The following COL11A1 variants were observed in gnomAD, a reference collection of about 807,000 sequenced individuals.
COL11A1 encodes collagen alpha-1(XI) chain.
In COL11A1, 74 loss-of-function variants were observed where a neutral mutation model predicts 265.2. The ratio of observed to expected loss-of-function variants is 0.28; its 90% CI spans 0.23 to 0.34. COL11A1 has a LOEUF of 0.34. Among genes scored for constraint, COL11A1 ranks in the 10% least tolerant of loss-of-function variants. COL11A1 has a pLI of 1.00. For synonymous variants in COL11A1, 816 were observed against 727.6 expected (o/e 1.12, Z -1.96); for missense variants, 2,165 against 2,263.6 (o/e 0.96, Z 0.88).
Position 102,984,118 on chromosome 1 carries a change from T to C in COL11A1, c.2556+20A>G. 1 of 1,555,742 alleles carries C rather than the reference T, an allele frequency of 6.4e-7. No individual in the cohort carries two copies. Among genetic ancestry groups the C allele is most frequent in the Middle Eastern group, 1.7e-4 (1 of 5,922 alleles). On this transcript the variant is annotated intron_variant, in intron 31 of 66. Coordinates refer to ENST00000370096, the MANE Select transcript of COL11A1 (RefSeq NM_001854.4). ...ATCTTCACGAAATGTTAATAAACTA[T>C]AAATATCAAGCTGTTTTACCTTTGG...
intron 49 of COL11A1, among the ~76,000 whole-genome samples, chr1:102,919,128 T>G (rs1655679993): frequency 6.7e-6 from 1 of 150,200 alleles, no homozygotes; most frequent in South Asian, 2.1e-4. Flanking sequence ...CTAGGACAAC[T>G]GAATGGAATG....
At chr1:102,941,633 T>A (rs12085950) in intron 42 of COL11A1, among the ~76,000 whole-genome samples, 4,303 of 152,278 alleles carry the variant, frequency 0.028, 211 homozygotes, top group African/African-American at 0.098. Flanking sequence ...TGGCCTGGAA[T>A]GCCCCTATGA....
intron 2 of COL11A1, 53 bp downstream of exon 2, chr1:103,082,752 A>T (rs553689832): frequency 6.8e-7 from 1 of 1,468,756 alleles, no homozygotes; most frequent in East Asian, 2.5e-5. Context: ...GTAGTAACAA[A>T]AGTGTAATAA....
At chr1:102,939,925 T>A (rs1455168747) in intron 43 of COL11A1, among the ~76,000 whole-genome samples, 1 of 152,176 alleles carries the variant, frequency 6.6e-6, no homozygotes, top group Admixed American at 6.5e-5. Context: ...TGGTAAATGA[T>A]AACAGGATTA....
chr1:102,989,804 C>T (rs1663947744), intron 28 of COL11A1, among the ~76,000 whole-genome samples: 1 of 152,078 alleles, frequency 6.6e-6, no homozygotes, highest in African/African-American at 2.4e-5. Context: ...GGACATTTTT[C>T]ACAAATATGT....
intron 59 of COL11A1, 115 bp from the exon 60 acceptor site, chr1:102,889,034 A>G: frequency 5.3e-6 from 5 of 940,992 alleles, no homozygotes; most frequent in Non-Finnish European, 8.6e-6. Context: ...GAGAATGCAA[A>G]AATATTTATG....
intron 41 of COL11A1, among the ~76,000 whole-genome samples, chr1:102,955,163 G>C (rs145501449): frequency 3.9e-5 from 6 of 152,020 alleles, no homozygotes; most frequent in African/African-American, 1.4e-4. Flanking sequence ...TTGGCATGTC[G>C]GTACATGACA....
chr1:103,005,216 A>T (rs1477341517), intron 18 of COL11A1, among the ~76,000 whole-genome samples: 1 of 152,054 alleles, frequency 6.6e-6, no homozygotes, highest in African/African-American at 2.4e-5. Context: ...ATTTACTTAA[A>T]GCTTATCTTA....
intron 46 of COL11A1, among the ~76,000 whole-genome samples, chr1:102,929,499 G>T (rs1657105340): frequency 6.6e-6 from 1 of 152,218 alleles, no homozygotes; most frequent in Non-Finnish European, 1.5e-5. Flanking sequence ...CTGTAGCCTT[G>T]TAGTATAGTT....
In COL11A1 at chr1:102,989,588, G is replaced by A. The variant is rs563271014; in HGVS notation, c.2341-17C>T. On this transcript the variant is annotated splice_polypyrimidine_tract_variant and intron_variant, in intron 28 of 66. Coordinates refer to ENST00000370096, the MANE Select transcript of COL11A1 (RefSeq NM_001854.4). ...ATCTTCACCCTAAAACATTATAAAA[G>A]GAATTAAATAGGAGTTTAATCAGTC... 2.5e-6 allele frequency: 4 copies of A among 1,589,646 alleles called. No homozygotes were observed. The highest frequency in any genetic ancestry group is 3.5e-6 in the Non-Finnish European group (4 of 1,159,112).
At chr1:102,951,346 AT>A (rs1659853469) in intron 41 of COL11A1, among the ~76,000 whole-genome samples, 1 of 152,228 alleles carries the variant, frequency 6.6e-6, no homozygotes, top group Non-Finnish European at 1.5e-5. Flanking sequence ...TATGCATTAA[AT>A]AACTATAATG....
intron 65 of COL11A1, 77 bp from the exon 66 acceptor site, chr1:102,879,993 C>T: frequency 1.0e-6 from 1 of 967,564 alleles, no homozygotes; most frequent in Non-Finnish European, 1.6e-6. Flanking sequence ...TCACTGCAGA[C>T]AGTGAACTGT....
chr1:103,051,185 G>A (rs1376785514), intron 4 of COL11A1, among the ~76,000 whole-genome samples: 1 of 152,186 alleles, frequency 6.6e-6, no homozygotes, highest in Non-Finnish European at 1.5e-5. Context: ...GTTTGTCTGT[G>A]CCCTGCCCCC....
rs151202644 is a variant in COL11A1, at chr1:103,104,763, T to C, written c.106+3310A>G. ...ATCAATTTTGAATTTAAAAAACAAA[T>C]GGAAAGACATAATATTAATGAGTTT... On this transcript the variant is annotated intron_variant, in intron 1 of 66. Transcript: ENST00000370096. Among the ~76,000 whole-genome samples the C allele has an allele frequency of 6.5e-4, 99 of 152,290 alleles. 1 individual carries two copies. The highest frequency in any genetic ancestry group is 1.2e-3 in the South Asian group (6 of 4,824).
At chr1:102,886,458 A>G (rs989531416) in intron 63 of COL11A1, among the ~76,000 whole-genome samples, 4 of 152,202 alleles carry the variant, frequency 2.6e-5, no homozygotes, top group African/African-American at 4.8e-5. Flanking sequence ...TAATGTAAGT[A>G]TTCACATTAA....
intron 23 of COL11A1, 22 bp from the exon 24 acceptor site, chr1:103,001,991 C>T (rs1378643674): frequency 1.3e-6 from 2 of 1,593,880 alleles, no homozygotes. Flanking sequence ...GAATTTATTT[C>T]ATATATCAGA....
intron 42 of COL11A1, 114 bp from the exon 43 acceptor site, chr1:102,940,548 AT>A: frequency 1.3e-6 from 1 of 769,138 alleles, no homozygotes; most frequent in Admixed American, 2.6e-5. Flanking sequence ...TTAGAAAAAC[AT>A]TTTAAAGAAT....
In COL11A1 at chr1:103,065,128, A is replaced by G. The variant is rs1408985880; in HGVS notation, c.651+9490T>C. 2.0e-5 allele frequency among the ~76,000 whole-genome samples: 3 copies of G among 152,122 alleles called. No homozygotes were observed. In the East Asian group the frequency reaches 5.8e-4, roughly 29 times the overall value. Reference sequence around the variant, plus strand: ...TGGGATATTGATAATAGGGAAGGTTATATGTTGGGGTGGGGCAAATAGTAT... The same window carrying G: ...TGGGATATTGATAATAGGGAAGGTTGTATGTTGGGGTGGGGCAAATAGTAT... On this transcript the variant is annotated intron_variant, in intron 4 of 66. Coordinates refer to ENST00000370096, the MANE Select transcript of COL11A1 (RefSeq NM_001854.4).
chr1:103,051,517 C>G (rs1009002356), intron 4 of COL11A1, among the ~76,000 whole-genome samples: 6 of 152,192 alleles, frequency 3.9e-5, no homozygotes, highest in Non-Finnish European at 7.4e-5. Flanking sequence ...CTTTCTTTGA[C>G]TAGGAAAGGG....
Sources: gnomAD v4.1 joint callset for allele counts (sites outside exome capture counted in the v4.1 genomes callset) on GRCh38, gnomAD v4.1.1 for gene constraint, MANE v1.5 for transcripts, NCBI Gene and HGNC (gene_info 2026-07-23, HGNC 2026-07-21) for gene names.